The following CHIC2 variants were observed in gnomAD, a reference collection of about 807,000 sequenced individuals.
CHIC2 encodes cysteine-rich hydrophobic domain-containing protein 2.
In CHIC2, 14 loss-of-function variants were observed where a neutral mutation model predicts 25.9. The observed-to-expected ratio is 0.54, with a 90% CI of 0.36 to 0.85. CHIC2 has a LOEUF of 0.85. Ranked by LOEUF, CHIC2 falls within the 40% of genes least tolerant of loss-of-function variation. The pLI, the probability that CHIC2 is intolerant of heterozygous loss-of-function variation, is 0.01. For missense variants in CHIC2, 146 were observed against 202.0 expected, an observed-to-expected ratio of 0.72 and a Z score of 1.68; for synonymous variants, 70 against 72.0, an observed-to-expected ratio of 0.97 and a Z score of 0.14.
In CHIC2 at chr4:54,019,635, C is replaced by T. The variant is rs566184899; in HGVS notation, c.331-5516G>A. Among the ~76,000 whole-genome samples, 11 of 152,206 alleles carry T rather than the reference C, an allele frequency of 7.2e-5. No homozygotes were observed. In the South Asian group the frequency reaches 2.1e-3, roughly 29 times the overall value. On this transcript the variant is annotated intron_variant, in intron 3 of 5. Transcript: ENST00000263921. ...AAAAAGAAACATGTACACAAACATG[C>T]ACAATTTAAAGGGGGTTATCTACTA... is the stretch of plus-strand genomic sequence containing the variant.
intron 3 of CHIC2, among the ~76,000 whole-genome samples, chr4:54,041,705 C>T (rs1188341513): frequency 6.6e-6 from 1 of 151,754 alleles, no homozygotes; most frequent in Non-Finnish European, 1.5e-5. Context: ...GTATTTTTAC[C>T]TTATGCATTT....
chr4:54,018,171 A>G (rs1048139937), intron 3 of CHIC2, among the ~76,000 whole-genome samples: 2 of 152,168 alleles, frequency 1.3e-5, no homozygotes, highest in African/African-American at 4.8e-5. Context: ...GTAATGATTA[A>G]TCAGCAATAT....
At chr4:54,057,205 T>C (rs1301796492) in intron 1 of CHIC2, among the ~76,000 whole-genome samples, 1 of 152,206 alleles carries the variant, frequency 6.6e-6, no homozygotes, top group African/African-American at 2.4e-5. Context: ...CACAGAACTG[T>C]AATAACTCCT....
intron 3 of CHIC2, among the ~76,000 whole-genome samples, chr4:54,044,887 T>C (rs1325917264): frequency 1.1e-4 from 17 of 151,672 alleles, no homozygotes; most frequent in Non-Finnish European, 2.4e-4. Context: ...ATCAACAAAA[T>C]TGATAGACCG....
At chr4:54,033,647 T>C (rs1053173589) in intron 3 of CHIC2, among the ~76,000 whole-genome samples, 1 of 152,208 alleles carries the variant, frequency 6.6e-6, no homozygotes, top group Non-Finnish European at 1.5e-5. Context: ...TAGAGTTTTA[T>C]AGGTTTAGGT....
At chr4:54,078,091 T>C in the CHIC2 span, among the ~76,000 whole-genome samples, 4 of 152,364 alleles carry the variant, frequency 2.6e-5, no homozygotes, top group South Asian at 8.3e-4. Flanking sequence ...GAATGTAATG[T>C]GTCTCACATG....
intron 1 of CHIC2, among the ~76,000 whole-genome samples, chr4:54,053,314 T>A (rs1187432812): frequency 6.6e-6 from 1 of 152,160 alleles, no homozygotes; most frequent in Non-Finnish European, 1.5e-5. Flanking sequence ...CCCAGCACTT[T>A]GGGAGGCCAA....
chr4:54,040,502 A>G (rs1716536913), intron 3 of CHIC2, among the ~76,000 whole-genome samples: 2 of 152,036 alleles, frequency 1.3e-5, no homozygotes, highest in Non-Finnish European at 2.9e-5. Context: ...GGAGTTCAAG[A>G]CCAGCCTGGC....
At chr4:54,065,181 A>G (rs940930333), upstream of CHIC2, 4 of 381,754 alleles carry the variant, frequency 1.0e-5, no homozygotes, top group Non-Finnish European at 1.4e-5. Context: ...AAATTCAAAC[A>G]TCTTATCCCT....
chr4:54,083,018 C>CTTTTTTTTTTTTTTTTTT, the CHIC2 span, among the ~76,000 whole-genome samples: 42 of 67,920 alleles, frequency 6.2e-4, no homozygotes, highest in Middle Eastern at 0.016. Flanking sequence ...TTCTTTCTTT[C>CTTTTTTTTTTTTTTTTTT]TTTTTTTTTT....
the CHIC2 span, chr4:54,087,931 A>G: frequency 5.1e-6 from 1 of 197,862 alleles, no homozygotes; most frequent in East Asian, 1.2e-4. Flanking sequence ...TCTGTTTTAA[A>G]CAGAAAATAA....
intron 3 of CHIC2, among the ~76,000 whole-genome samples, chr4:54,018,154 T>C (rs1715796927): frequency 6.6e-6 from 1 of 152,130 alleles, no homozygotes; most frequent in Non-Finnish European, 1.5e-5. Context: ...ATAAAATGGC[T>C]AATATGGTAA....
the CHIC2 span, among the ~76,000 whole-genome samples, chr4:54,082,678 T>TA: frequency 1.3e-5 from 2 of 152,226 alleles, no homozygotes; most frequent in South Asian, 2.1e-4. Context: ...CAACCTGTCT[T>TA]ACAACCTTAA....
chr4:54,090,596 C>T, the CHIC2 span, among the ~76,000 whole-genome samples: 2 of 152,216 alleles, frequency 1.3e-5, no homozygotes, highest in Non-Finnish European at 1.5e-5. Flanking sequence ...CACACATCAA[C>T]GTCGTCATAG....
At position 54,038,872 on chromosome 4, in the gene CHIC2, G is replaced by GA. The variant is rs528099077; in HGVS notation, c.330+10082dup. ...CCCTGTCTCCTTTTTAATTAAAAAAGAAAAAAAAGCTACAGTAAACTAGAC... is the reference window on the plus strand; with the variant it reads ...CCCTGTCTCCTTTTTAATTAAAAAAGAAAAAAAAAGCTACAGTAAACTAGAC... On this transcript the variant is annotated intron_variant, in intron 3 of 5. Transcript: ENST00000263921. Among the ~76,000 whole-genome samples the GA allele has an allele frequency of 4.5e-3, 679 of 150,160 alleles. 3 individuals are homozygous for GA. The highest frequency in any genetic ancestry group is 7.2e-3 in the Non-Finnish European group (484 of 67,530).
chr4:54,054,625 A>C (rs558182573), intron 1 of CHIC2, among the ~76,000 whole-genome samples: 1 of 152,336 alleles, frequency 6.6e-6, no homozygotes, highest in East Asian at 1.9e-4. Context: ...CCGCATGCCT[A>C]ACTAGGAACT....
chr4:54,037,642 C>T (rs920549674), intron 3 of CHIC2, among the ~76,000 whole-genome samples: 1 of 151,980 alleles, frequency 6.6e-6, no homozygotes, highest in African/African-American at 2.4e-5. Context: ...CATGCCATTA[C>T]CAAAATACAC....
At chr4:54,019,178 G>A (rs1715825482) in intron 3 of CHIC2, among the ~76,000 whole-genome samples, 1 of 151,724 alleles carries the variant, frequency 6.6e-6, no homozygotes, top group African/African-American at 2.4e-5. Flanking sequence ...TTCCAGTGAT[G>A]TGCAGAAAAT....
intron 3 of CHIC2, among the ~76,000 whole-genome samples, chr4:54,042,139 G>C (rs1436273891): frequency 1.3e-5 from 2 of 151,918 alleles, no homozygotes; most frequent in Admixed American, 1.3e-4. Flanking sequence ...TTATGTAATA[G>C]TTTACACCCA....
Sources: allele counts gnomAD v4.1 joint callset (sites outside exome capture counted in the v4.1 genomes callset), GRCh38; gene constraint gnomAD v4.1.1; transcripts MANE v1.5; gene names NCBI Gene and HGNC (gene_info 2026-07-23, HGNC 2026-07-21).